The following RSBN1L variants were observed in gnomAD, a reference collection of about 807,000 sequenced individuals.
RSBN1L encodes the protein lysine-specific demethylase RSBN1L.
In RSBN1L, 30 loss-of-function variants were observed where a neutral mutation model predicts 67.7. The ratio of observed to expected loss-of-function variants is 0.44; its 90% CI spans 0.33 to 0.60. The LOEUF is 0.60. RSBN1L is among the 20% of genes least tolerant of loss of function. RSBN1L has a pLI of 0.02. For missense variants in RSBN1L, 992 were observed against 1,031.7 expected (o/e 0.96, Z 0.53); for synonymous variants, 433 against 387.0 (o/e 1.12, Z -1.39).
intron 1 of RSBN1L, among the ~76,000 whole-genome samples, chr7:77,729,540 A>G (rs752890951): frequency 6.6e-6 from 1 of 152,214 alleles, no homozygotes; most frequent in Non-Finnish European, 1.5e-5. Context: ...CTAAATCCAT[A>G]CATGCTTAAT....
Position 77,758,382 on chromosome 7 carries a change from A to G in RSBN1L, c.1345-7113A>G, listed in dbSNP as rs192170791. ...ATTTGTGGGTACATAGTAGATGTATATATTTATGGGGTACATAAGATGTCT... is the reference window on the plus strand; with the variant it reads ...ATTTGTGGGTACATAGTAGATGTATGTATTTATGGGGTACATAAGATGTCT... On this transcript the variant is annotated intron_variant, in intron 3 of 7. Coordinates refer to ENST00000334955, the MANE Select transcript of RSBN1L (RefSeq NM_198467.3). Among the ~76,000 whole-genome samples the G allele has an allele frequency of 2.6e-5, 4 of 152,332 alleles. No individual in the cohort carries two copies. In the East Asian group the frequency reaches 7.7e-4, roughly 29 times the overall value.
intron 1 of RSBN1L, among the ~76,000 whole-genome samples, chr7:77,698,620 G>A (rs1204676437): frequency 6.6e-6 from 1 of 152,204 alleles, no homozygotes; most frequent in African/African-American, 2.4e-5. Flanking sequence ...GGCTGTTAAA[G>A]AGGAATTTTT....
chr7:77,736,982 G>A (rs1791346356), intron 2 of RSBN1L, among the ~76,000 whole-genome samples: 1 of 152,098 alleles, frequency 6.6e-6, no homozygotes, highest in South Asian at 2.1e-4. Context: ...TAAATCAGAA[G>A]CGGTATGTTT....
Position 77,727,241 on chromosome 7 carries a change from C to G in RSBN1L, c.587-9169C>G. 1.3e-5 allele frequency among the ~76,000 whole-genome samples: 2 copies of G among 152,146 alleles called. 1 individual carries two copies. The highest frequency in any genetic ancestry group is 4.8e-5 in the African/African-American group (2 of 41,432). ...TAGCTGGGATTACACACATGTGCCACCACGCCCAACTAGTTTTATATTTTT... is the reference window on the plus strand; with the variant it reads ...TAGCTGGGATTACACACATGTGCCAGCACGCCCAACTAGTTTTATATTTTT... On this transcript the variant is annotated intron_variant, in intron 1 of 7. Coordinates refer to ENST00000334955, the MANE Select transcript of RSBN1L (RefSeq NM_198467.3).
At chr7:77,699,637 T>G (rs1322413686) in intron 1 of RSBN1L, among the ~76,000 whole-genome samples, 2 of 152,142 alleles carry the variant, frequency 1.3e-5, no homozygotes, top group African/African-American at 2.4e-5. Context: ...AAGAGAATTA[T>G]GAAAGTATAC....
chr7:77,756,693 G>A (rs922287887), intron 3 of RSBN1L, among the ~76,000 whole-genome samples: 1 of 152,056 alleles, frequency 6.6e-6, no homozygotes, highest in South Asian at 2.1e-4. Context: ...CAGGAGAATC[G>A]CTTGAATCCA....
chr7:77,724,714 C>G (rs1407899662), intron 1 of RSBN1L, among the ~76,000 whole-genome samples: 2 of 152,060 alleles, frequency 1.3e-5, no homozygotes, highest in Non-Finnish European at 2.9e-5. Flanking sequence ...ACATGGGCCA[C>G]TGCGCCCGGC....
intron 3 of RSBN1L, among the ~76,000 whole-genome samples, chr7:77,764,683 G>A (rs1156347176): frequency 6.6e-6 from 1 of 151,442 alleles, no homozygotes. Flanking sequence ...CTGGAGTGCA[G>A]TGGCACAATC....
rs1791986838 is a variant in RSBN1L at position 77,780,597 on chromosome 7, AT to A, written c.*1430del. The A allele has an allele frequency of 6.6e-6, 1 of 152,236 alleles. No individual in the cohort carries two copies. The highest frequency in any genetic ancestry group is 2.4e-5 in the African/African-American group (1 of 41,472). The allele number at this position is 152,236 out of a possible 1,614,324, so 9.4% of individuals were successfully genotyped here. A position where few individuals can be genotyped will look rare whatever the true frequency, so the allele number is the denominator to read the frequency against. On this transcript the variant is annotated 3_prime_UTR_variant, in exon 8 of 8. Transcript: ENST00000334955. ...TTTTCTTGCAGAATGGGAGAAAAAT[AT>A]GGCAAATACAAAACTGTAAAATAAG...
intron 1 of RSBN1L, among the ~76,000 whole-genome samples, chr7:77,714,516 A>G (rs1172299385): frequency 6.6e-6 from 1 of 152,190 alleles, no homozygotes; most frequent in East Asian, 1.9e-4. Context: ...CCATCAGTAC[A>G]GTTGCATGAA....
At chr7:77,743,613 T>G (rs1791443256) in intron 2 of RSBN1L, among the ~76,000 whole-genome samples, 1 of 152,160 alleles carries the variant, frequency 6.6e-6, no homozygotes, top group Admixed American at 6.5e-5. Context: ...TGTGTTCTCC[T>G]GGTAATATTT....
chr7:77,704,519 G>A (rs1237668103), intron 1 of RSBN1L, among the ~76,000 whole-genome samples: 1 of 152,074 alleles, frequency 6.6e-6, no homozygotes, highest in African/African-American at 2.4e-5. Context: ...AATTCTGGGT[G>A]TACCCATTAT....
In RSBN1L at chr7:77,767,437, G is replaced by A. The variant is rs143500458; in HGVS notation, c.1483-1224G>A. 3.1e-3 allele frequency among the ~76,000 whole-genome samples: 477 copies of A among 151,890 alleles called. 3 individuals carry two copies. Among genetic ancestry groups the A allele is most frequent in the African/African-American group, 0.01 (432 of 41,424 alleles). On this transcript the variant is annotated intron_variant, in intron 4 of 7. Transcript: ENST00000334955. Reference sequence around the variant, plus strand: ...CATCCAGGCTGGAGGGCAGTGGTGCGATCTCGGCTCACTGCAACCTCTGCC... The same window carrying A: ...CATCCAGGCTGGAGGGCAGTGGTGCAATCTCGGCTCACTGCAACCTCTGCC...
chr7:77,765,776 GT>G, intron 4 of RSBN1L, 144 bp downstream of exon 4: 2 of 631,182 alleles, frequency 3.2e-6, no homozygotes, highest in Non-Finnish European at 5.1e-6. Flanking sequence ...AAACGTTTTG[GT>G]TTTATTTGAA....
At chr7:77,759,753 T>G (rs1791673507) in intron 3 of RSBN1L, 1 of 152,208 alleles carries the variant, frequency 6.6e-6, no homozygotes, top group African/African-American at 2.4e-5. Context: ...TCTGAGGAAC[T>G]TTTAATATCT....
intron 1 of RSBN1L, among the ~76,000 whole-genome samples, chr7:77,733,126 T>G (rs984988901): frequency 6.6e-6 from 1 of 152,106 alleles, no homozygotes; most frequent in African/African-American, 2.4e-5. Context: ...AGACCCTGTC[T>G]CTATTAAAGA....
chr7:77,776,902 T>G (rs1284770689), intron 6 of RSBN1L, among the ~76,000 whole-genome samples: 1 of 151,990 alleles, frequency 6.6e-6, no homozygotes, highest in African/African-American at 2.4e-5. Flanking sequence ...TATTTATATT[T>G]AATAGAAATA....
chr7:77,700,697 C>G (rs1181590224), intron 1 of RSBN1L, among the ~76,000 whole-genome samples: 2 of 152,066 alleles, frequency 1.3e-5, no homozygotes, highest in Non-Finnish European at 2.9e-5. Context: ...ATTTTATTTT[C>G]TTGTGTAACC....
intron 1 of RSBN1L, chr7:77,697,490 A>G: frequency 6.3e-6 from 1 of 157,616 alleles, no homozygotes; most frequent in East Asian, 1.8e-4. Flanking sequence ...ACCCCGGATA[A>G]TCCTGTCAAA....
Sources: allele counts gnomAD v4.1 joint callset (sites outside exome capture counted in the v4.1 genomes callset), GRCh38; gene constraint gnomAD v4.1.1; transcripts MANE v1.5; gene names NCBI Gene and HGNC (gene_info 2026-07-23, HGNC 2026-07-21).